SLC22A15: variants seen among roughly 807,000 people sequenced by gnomAD.
SLC22A15 encodes the protein solute carrier family 22 member 15.
A neutral mutation model predicts 62.7 loss-of-function variants in SLC22A15; 45 were observed. The ratio of observed to expected loss-of-function variants is 0.72; its 90% CI spans 0.56 to 0.92. The LOEUF (loss-of-function observed/expected upper bound fraction) is 0.92. Ranked by LOEUF, SLC22A15 falls within the 40% of genes least tolerant of loss-of-function variation. SLC22A15 has a pLI of 0.00. For synonymous variants in SLC22A15, 264 were observed against 267.0 expected (o/e 0.99, Z 0.11); for missense variants, 622 against 665.6 (o/e 0.93, Z 0.72).
At chr1:115,993,407 CTG>C (rs1402472663) in intron 2 of SLC22A15, among the ~76,000 whole-genome samples, 2 of 146,784 alleles carry the variant, frequency 1.4e-5, no homozygotes, top group South Asian at 2.1e-4. Context: ...AGCCACTCTC[CTG>C]TGTGTGTGAG....
chr1:116,019,019 G>C (rs116668541), intron 2 of SLC22A15, among the ~76,000 whole-genome samples: 3,666 of 152,304 alleles, frequency 0.024, 152 homozygotes, highest in African/African-American at 0.084. Flanking sequence ...TGCAAATACA[G>C]GTGCTATGAA....
chr1:115,990,632 C>T lies in SLC22A15; in HGVS notation c.88-1399C>T, dbSNP rs755527625. Among the ~76,000 whole-genome samples, 20 of 152,292 alleles carry T rather than the reference C, an allele frequency of 1.3e-4. No individual in the cohort carries two copies. The Middle Eastern group carries it at 0.017, about 129-fold the overall frequency. ...TCCCTTGCCCTGTATAATAAATCAC[C>T]CAGCATCCTGACCCATGGCAGCTTT... On this transcript the variant is annotated intron_variant, in intron 1 of 11. Transcript: ENST00000369503.
intron 2 of SLC22A15, among the ~76,000 whole-genome samples, chr1:116,011,268 A>G (rs1656240416): frequency 6.6e-6 from 1 of 152,226 alleles, no homozygotes; most frequent in Admixed American, 6.5e-5. Flanking sequence ...ATATTTGTGG[A>G]CCAGCTAAAG....
At chr1:116,064,992 T>G (rs1355488759) in intron 10 of SLC22A15, among the ~76,000 whole-genome samples, 2 of 152,156 alleles carry the variant, frequency 1.3e-5, no homozygotes, top group African/African-American at 4.8e-5. Context: ...GAAATATGTC[T>G]CTCACTGTGT....
chr1:116,048,119 C>T (rs1302905657), intron 8 of SLC22A15, among the ~76,000 whole-genome samples: 3 of 152,048 alleles, frequency 2.0e-5, no homozygotes, highest in African/African-American at 7.2e-5. Context: ...ATTGGTGTTC[C>T]TGAGGAAGAA....
chr1:116,005,922 CT>C (rs1655954701), intron 2 of SLC22A15, among the ~76,000 whole-genome samples: 4 of 152,150 alleles, frequency 2.6e-5, no homozygotes, highest in Admixed American at 2.6e-4. Context: ...TTCATTATTA[CT>C]AGTCAATAGG....
chr1:115,979,831 G>A (rs1038227606), intron 1 of SLC22A15, among the ~76,000 whole-genome samples: 1 of 151,994 alleles, frequency 6.6e-6, no homozygotes, highest in Non-Finnish European at 1.5e-5. Flanking sequence ...ATCATGAATC[G>A]TACATTATAT....
At chr1:116,019,258 G>C (rs981060234) in intron 2 of SLC22A15, among the ~76,000 whole-genome samples, 1 of 152,206 alleles carries the variant, frequency 6.6e-6, no homozygotes, top group Non-Finnish European at 1.5e-5. Context: ...ATGGGACAAG[G>C]CTCCTCTCAA....
intron 1 of SLC22A15, among the ~76,000 whole-genome samples, chr1:115,981,288 A>G (rs764252488): frequency 2.0e-5 from 3 of 152,234 alleles, no homozygotes; most frequent in Non-Finnish European, 4.4e-5. Context: ...ATGAGAACCT[A>G]TGGTCTTACT....
chr1:116,034,414 T>C (rs1164059727), intron 6 of SLC22A15, among the ~76,000 whole-genome samples: 1 of 152,224 alleles, frequency 6.6e-6, no homozygotes, highest in Non-Finnish European at 1.5e-5. Flanking sequence ...GCTCTTTAGT[T>C]CTTGGATTGT....
At chr1:116,035,110 C>T (rs1657584055) in intron 6 of SLC22A15, 77 bp from the exon 7 acceptor site, 1 of 1,460,374 alleles carries the variant, frequency 6.8e-7, no homozygotes, top group South Asian at 1.4e-5. Flanking sequence ...ATTTGAATCT[C>T]CTCTGGCAAA....
At chr1:116,054,338 T>G (rs1658142377) in intron 8 of SLC22A15, among the ~76,000 whole-genome samples, 1 of 151,562 alleles carries the variant, frequency 6.6e-6, no homozygotes, top group South Asian at 2.1e-4. Context: ...AGGGATCAAT[T>G]CAACAAGAAG....
chr1:116,034,407 C>G (rs1176002719), intron 6 of SLC22A15, among the ~76,000 whole-genome samples: 1 of 152,144 alleles, frequency 6.6e-6, no homozygotes, highest in African/African-American at 2.4e-5. Context: ...TTCCTCAGCT[C>G]TTTAGTTCTT....
chr1:116,045,511 G>T (rs1485589484), intron 8 of SLC22A15, among the ~76,000 whole-genome samples: 2 of 151,598 alleles, frequency 1.3e-5, no homozygotes, highest in East Asian at 3.9e-4. Context: ...GGCTGAGGTG[G>T]GTGGGTCTCC....
intron 8 of SLC22A15, among the ~76,000 whole-genome samples, chr1:116,055,922 A>G (rs1658195270): frequency 6.7e-6 from 1 of 148,474 alleles, no homozygotes; most frequent in Non-Finnish European, 1.5e-5. Context: ...AATAAGAGCT[A>G]TCTATGACAA....
At chr1:116,035,657 T>C (rs1238806541) in intron 7 of SLC22A15, among the ~76,000 whole-genome samples, 1 of 152,192 alleles carries the variant, frequency 6.6e-6, no homozygotes, top group Non-Finnish European at 1.5e-5. Flanking sequence ...GATTATTAGT[T>C]CTGTGTAGAT....
intron 9 of SLC22A15, among the ~76,000 whole-genome samples, chr1:116,064,029 G>T (rs1288768556): frequency 6.6e-6 from 1 of 152,050 alleles, no homozygotes; most frequent in Non-Finnish European, 1.5e-5. Flanking sequence ...GGAGATCTAA[G>T]GCATGAAAAT....
chr1:115,982,078 T>C (rs1459786751), intron 1 of SLC22A15, among the ~76,000 whole-genome samples: 1 of 152,214 alleles, frequency 6.6e-6, no homozygotes, highest in African/African-American at 2.4e-5. Flanking sequence ...TAATTGGCCT[T>C]GGGGCAGTGT....
intron 9 of SLC22A15, 80 bp downstream of exon 9, chr1:116,062,962 C>A: frequency 6.5e-7 from 1 of 1,538,500 alleles, no homozygotes; most frequent in Non-Finnish European, 8.9e-7. Context: ...GTGTGGTACT[C>A]ATTTCATCTG....
Sources: gnomAD v4.1 joint callset for allele counts (sites outside exome capture counted in the v4.1 genomes callset) on GRCh38, gnomAD v4.1.1 for gene constraint, MANE v1.5 for transcripts, NCBI Gene and HGNC (gene_info 2026-07-23, HGNC 2026-07-21) for gene names.